The following MAGI2 variants were observed in gnomAD, a reference collection of about 807,000 sequenced individuals.
MAGI2 encodes membrane associated guanylate kinase, WW and PDZ domain containing 2.
MAGI2 carries 35 observed loss-of-function variants against 133.3 expected under a neutral mutation model. The observed-to-expected ratio is 0.26, with a 90% confidence interval of 0.20 to 0.35. The LOEUF is 0.35. MAGI2 is among the 10% of genes least tolerant of loss of function. The pLI is 1.00. For missense variants in MAGI2, 1,636 were observed against 1,863.4 expected (o/e 0.88, Z 2.25); for synonymous variants, 729 against 710.6 (o/e 1.03, Z -0.41).
rs1812129634 is a variant in MAGI2, at chr7:78,052,598, C to T, written c.3706+26349G>A. ...CAGGCATCCTGGACCATTGCTTACTCTCAGCAATGGGGACTTTTCATTATA... is the reference window on the plus strand; with the variant it reads ...CAGGCATCCTGGACCATTGCTTACTTTCAGCAATGGGGACTTTTCATTATA... On this transcript the variant is annotated intron_variant, in intron 21 of 21. Transcript: ENST00000354212. Among the ~76,000 whole-genome samples the T allele has an allele frequency of 1.3e-5, 2 of 152,234 alleles. 1 individual carries two copies. Among genetic ancestry groups the T allele is most frequent in the South Asian group, 4.1e-4 (2 of 4,834 alleles).
chr7:79,188,406 T>C (rs1411085538), intron 1 of MAGI2, among the ~76,000 whole-genome samples: 1 of 151,878 alleles, frequency 6.6e-6, no homozygotes, highest in Non-Finnish European at 1.5e-5. Flanking sequence ...GTTAGTTTGC[T>C]GAGGATAATG....
chr7:78,611,919 T>C (rs1369843496), intron 3 of MAGI2, among the ~76,000 whole-genome samples: 3 of 152,228 alleles, frequency 2.0e-5, no homozygotes, highest in Non-Finnish European at 4.4e-5. Flanking sequence ...CCACTCCAAC[T>C]ACCCCCAGAA....
At chr7:78,031,977 A>ACAG (rs1809621712) in intron 21 of MAGI2, among the ~76,000 whole-genome samples, 1 of 150,320 alleles carries the variant, frequency 6.7e-6, no homozygotes, top group Admixed American at 6.6e-5. Context: ...TATATCCCCA[A>ACAG]CAGTGTGTCC....
chr7:78,255,736 T>A, intron 10 of MAGI2: 1 of 631,236 alleles, frequency 1.6e-6, no homozygotes, highest in Non-Finnish European at 2.8e-6. Flanking sequence ...CTATTATTAT[T>A]GTGTTTAATA....
At chr7:78,814,353 A>T (rs1265529741) in intron 2 of MAGI2, among the ~76,000 whole-genome samples, 1 of 152,196 alleles carries the variant, frequency 6.6e-6, no homozygotes, top group Non-Finnish European at 1.5e-5. Flanking sequence ...TAGCGGTATA[A>T]TCTGTATGTT....
At chr7:79,329,933 C>T (rs1055354907) in intron 1 of MAGI2, among the ~76,000 whole-genome samples, 1 of 152,104 alleles carries the variant, frequency 6.6e-6, no homozygotes, top group East Asian at 1.9e-4. Flanking sequence ...AGATGCTTCT[C>T]TTTATAAAAG....
intron 7 of MAGI2, chr7:78,359,489 C>T (rs868210449): frequency 5.3e-5 from 8 of 152,150 alleles, no homozygotes; most frequent in Non-Finnish European, 1.0e-4. Flanking sequence ...TGTTCATAAA[C>T]TTATCCTTTA....
rs1242601056 is a variant in MAGI2, at chr7:78,330,099, A to T, written c.1408+13679T>A. Among the ~76,000 whole-genome samples, 3 of 152,318 alleles carry T rather than the reference A, an allele frequency of 2.0e-5. No individual in the cohort carries two copies. The East Asian group carries it at 5.8e-4, about 29-fold the overall frequency. On this transcript the variant is annotated intron_variant, in intron 9 of 21. Coordinates refer to ENST00000354212, the MANE Select transcript of MAGI2 (RefSeq NM_012301.4). ...TTATAGCTTTAATTTATTGGGAGATAGTCTTATGGAGATTCATAATGGCTA... is the reference window on the plus strand; with the variant it reads ...TTATAGCTTTAATTTATTGGGAGATTGTCTTATGGAGATTCATAATGGCTA...
intron 5 of MAGI2, among the ~76,000 whole-genome samples, chr7:78,498,164 A>G (rs943456461): frequency 6.6e-6 from 1 of 152,256 alleles, no homozygotes; most frequent in Non-Finnish European, 1.5e-5. Flanking sequence ...AAAAACGACT[A>G]GTATGTGAGG....
chr7:78,154,143 T>C (rs1367682541), intron 16 of MAGI2, among the ~76,000 whole-genome samples: 1 of 152,236 alleles, frequency 6.6e-6, no homozygotes, highest in Non-Finnish European at 1.5e-5. Context: ...AAAAGACCTG[T>C]TAGTGAAGTT....
intron 10 of MAGI2, among the ~76,000 whole-genome samples, chr7:78,232,453 G>T (rs1790080874): frequency 6.6e-6 from 1 of 152,148 alleles, no homozygotes; most frequent in Admixed American, 6.5e-5. Flanking sequence ...GAAACAAATT[G>T]TCCGCTCAAT....
chr7:78,783,413 G>C (rs1196892976), intron 2 of MAGI2, among the ~76,000 whole-genome samples: 1 of 152,094 alleles, frequency 6.6e-6, no homozygotes, highest in Non-Finnish European at 1.5e-5. Context: ...ATTTAACCTG[G>C]AGATGGTTAA....
intron 1 of MAGI2, among the ~76,000 whole-genome samples, chr7:79,194,482 G>T (rs1014393555): frequency 6.6e-6 from 1 of 151,768 alleles, no homozygotes; most frequent in African/African-American, 2.4e-5. Context: ...AAGATAAAGA[G>T]CTAATTCCAA....
At chr7:78,471,942 G>A (rs185009745) in intron 6 of MAGI2, among the ~76,000 whole-genome samples, 29 of 151,958 alleles carry the variant, frequency 1.9e-4, no homozygotes, top group Non-Finnish European at 4.1e-4. Flanking sequence ...AAAAAGTAAG[G>A]GGAATTACAG....
At chr7:79,451,774 G>A (rs1849273500) in intron 1 of MAGI2, among the ~76,000 whole-genome samples, 1 of 152,116 alleles carries the variant, frequency 6.6e-6, no homozygotes, top group African/African-American at 2.4e-5. Context: ...CTTTGAGTCA[G>A]GACAAACAGT....
At chr7:79,400,737 T>C (rs1563189268) in intron 1 of MAGI2, among the ~76,000 whole-genome samples, 1 of 152,182 alleles carries the variant, frequency 6.6e-6, no homozygotes, top group Non-Finnish European at 1.5e-5. Flanking sequence ...ACATGAACTA[T>C]AGTGTACATA....
intron 2 of MAGI2, among the ~76,000 whole-genome samples, chr7:78,771,870 T>A (rs111923972): frequency 1.9e-3 from 282 of 152,256 alleles, no homozygotes; most frequent in African/African-American, 6.6e-3. Flanking sequence ...CAATAATGAG[T>A]AATGCTTTGC....
At chr7:78,481,734 T>A (rs1271712070) in intron 6 of MAGI2, among the ~76,000 whole-genome samples, 1 of 150,690 alleles carries the variant, frequency 6.6e-6, no homozygotes, top group Non-Finnish European at 1.5e-5. Flanking sequence ...AACCTTAACC[T>A]AACTCTTATA....
intron 3 of MAGI2, among the ~76,000 whole-genome samples, chr7:78,592,828 C>CTTTTTTTTTTT (rs10675572): frequency 4.7e-5 from 5 of 106,874 alleles, no homozygotes; most frequent in Non-Finnish European, 5.3e-5. Context: ...TACTGATTCT[C>CTTTTTTTTTTT]TTTTTTTTTT....
Sources: allele counts gnomAD v4.1 joint callset (sites outside exome capture counted in the v4.1 genomes callset), GRCh38; gene constraint gnomAD v4.1.1; transcripts MANE v1.5; gene names NCBI Gene and HGNC (gene_info 2026-07-23, HGNC 2026-07-21).